GNA14: variants seen among roughly 807,000 people sequenced by gnomAD.
GNA14 encodes guanine nucleotide-binding protein subunit alpha-14.
Under a neutral mutation model 42.0 loss-of-function variants are expected in GNA14, and 50 were observed. The observed-to-expected ratio is 1.19, with a 90% CI of 0.95 to 1.51. The LOEUF (loss-of-function observed/expected upper bound fraction) is 1.51. GNA14 is among the 40% of genes most tolerant of loss of function. GNA14 has a pLI of 0.00. For synonymous variants in GNA14, 173 were observed against 163.1 expected (o/e 1.06, Z -0.46); for missense variants, 473 against 446.2 (o/e 1.06, Z -0.54).
intron 2 of GNA14, among the ~76,000 whole-genome samples, chr9:77,495,255 A>C (rs1836852333): frequency 6.7e-6 from 1 of 149,944 alleles, no homozygotes; most frequent in Non-Finnish European, 1.5e-5. Context: ...GGGGGAAAAA[A>C]CCTCTTTTTC....
At position 77,530,447 on chromosome 9, in the gene GNA14, G is replaced by A. The variant is rs1321966742; in HGVS notation, c.125-1194C>T. On this transcript the variant is annotated intron_variant, in intron 1 of 6. Coordinates refer to ENST00000341700, the MANE Select transcript of GNA14 (RefSeq NM_004297.4). ...TGCTTCCTGTACAGCTTGTGGAAAC[G>A]TGAGCCAATTCAACCTCTTTTCTTT... Among the ~76,000 whole-genome samples, 7 of 152,306 alleles carry A rather than the reference G, an allele frequency of 4.6e-5. 1 individual carries two copies. The South Asian group carries it at 1.2e-3, about 27-fold the overall frequency.
intron 2 of GNA14, among the ~76,000 whole-genome samples, chr9:77,480,883 C>T (rs1448564760): frequency 6.6e-6 from 1 of 152,156 alleles, no homozygotes; most frequent in Non-Finnish European, 1.5e-5. Flanking sequence ...TCTGTGGGAT[C>T]AGTGGTGATA....
chr9:77,626,875 A>G (rs1824019991), intron 1 of GNA14, among the ~76,000 whole-genome samples: 1 of 152,208 alleles, frequency 6.6e-6, no homozygotes, highest in African/African-American at 2.4e-5. Flanking sequence ...GACAAGAAAC[A>G]GCTAAGATCA....
chr9:77,597,930 G>A (rs1472366141), intron 1 of GNA14, among the ~76,000 whole-genome samples: 1 of 152,050 alleles, frequency 6.6e-6, no homozygotes, highest in African/African-American at 2.4e-5. Flanking sequence ...TGGGCGTGGT[G>A]GTGCATGCTG....
At chr9:77,523,106 A>G (rs748178529) in intron 2 of GNA14, among the ~76,000 whole-genome samples, 10 of 152,238 alleles carry the variant, frequency 6.6e-5, no homozygotes, top group Admixed American at 1.3e-4. Context: ...ATTGCCTTCT[A>G]AATTAGATAC....
At chr9:77,543,950 G>C (rs1837690805) in intron 1 of GNA14, among the ~76,000 whole-genome samples, 1 of 152,108 alleles carries the variant, frequency 6.6e-6, no homozygotes, top group East Asian at 1.9e-4. Context: ...ACTCTAATTT[G>C]AGCTATTCAT....
chr9:77,618,298 T>C (rs1484287124), intron 1 of GNA14, among the ~76,000 whole-genome samples: 1 of 151,998 alleles, frequency 6.6e-6, no homozygotes, highest in Non-Finnish European at 1.5e-5. Context: ...TCCGTGCTAC[T>C]GAAGCAGGTA....
rs1835500415 is a variant in GNA14 at position 77,428,953 on chromosome 9, AC to A, written c.676del (p.Val226LeufsTer3). On this transcript the variant is annotated frameshift_variant, in exon 5 of 7. Coordinates refer to ENST00000341700, the MANE Select transcript of GNA14 (RefSeq NM_004297.4). LOFTEE classifies it high-confidence loss of function. ...GACCTGGTCATATTCACTCAGAGCA[AC>A]CAAGAAAATAATGGAGGTGACACTC... ...FESVTSIIFL[V>X]ALSEYDQVLA... 1.2e-6 allele frequency: 2 copies of A among 1,613,944 alleles called. No homozygotes were observed. Among genetic ancestry groups the A allele is most frequent in the African/African-American group, 1.3e-5 (1 of 74,936 alleles).
intron 2 of GNA14, among the ~76,000 whole-genome samples, chr9:77,467,669 A>G (rs1405282659): frequency 8.0e-6 from 1 of 124,752 alleles, no homozygotes; most frequent in East Asian, 2.2e-4. Context: ...TTTTTTTTTT[A>G]AGACTAGTCA....
At chr9:77,494,466 T>C (rs1041036106) in intron 2 of GNA14, among the ~76,000 whole-genome samples, 15 of 151,842 alleles carry the variant, frequency 9.9e-5, no homozygotes, top group Admixed American at 2.6e-4. Context: ...AAAAAAAAAA[T>C]TGGGAAACAC....
At chr9:77,631,858 G>A (rs1328747473) in intron 1 of GNA14, among the ~76,000 whole-genome samples, 1 of 152,168 alleles carries the variant, frequency 6.6e-6, no homozygotes, top group Non-Finnish European at 1.5e-5. Flanking sequence ...AAGCGTGGCT[G>A]GGGCTGCATG....
intron 1 of GNA14, among the ~76,000 whole-genome samples, chr9:77,611,076 C>T (rs1172934925): frequency 6.6e-6 from 1 of 152,138 alleles, no homozygotes; most frequent in Non-Finnish European, 1.5e-5. Context: ...GAGCTTCATT[C>T]TAGTTACATT....
intron 1 of GNA14, among the ~76,000 whole-genome samples, chr9:77,549,951 C>T (rs1201876759): frequency 1.3e-5 from 2 of 152,202 alleles, no homozygotes; most frequent in African/African-American, 4.8e-5. Flanking sequence ...CTCCCCAGTC[C>T]ATCGTCTTGG....
chr9:77,472,935 C>T (rs1244047868), intron 2 of GNA14, among the ~76,000 whole-genome samples: 3 of 152,144 alleles, frequency 2.0e-5, no homozygotes, highest in Non-Finnish European at 4.4e-5. Flanking sequence ...GCCTCCAGAA[C>T]TGTGAAAAAT....
chr9:77,509,525 A>T (rs1258930720), intron 2 of GNA14, among the ~76,000 whole-genome samples: 4 of 152,202 alleles, frequency 2.6e-5, no homozygotes, highest in Admixed American at 2.6e-4. Flanking sequence ...AAAAAGAGGG[A>T]GAAGGAATAC....
chr9:77,472,138 C>T (rs1345102334), intron 2 of GNA14, among the ~76,000 whole-genome samples: 1 of 152,108 alleles, frequency 6.6e-6, no homozygotes, highest in Non-Finnish European at 1.5e-5. Context: ...CACTAAGCCC[C>T]CAAAATGATT....
At chr9:77,542,630 C>T (rs908225328) in intron 1 of GNA14, among the ~76,000 whole-genome samples, 4 of 152,082 alleles carry the variant, frequency 2.6e-5, no homozygotes, top group African/African-American at 9.7e-5. Context: ...ATGGGGCAGC[C>T]CAGTGGGACC....
Position 77,631,222 on chromosome 9 carries a change from G to A in GNA14, c.124+16448C>T, listed in dbSNP as rs149697694. Among the ~76,000 whole-genome samples the A allele has an allele frequency of 1.8e-4, 28 of 152,046 alleles. No homozygotes were observed. The East Asian group carries it at 2.7e-3, about 15-fold the overall frequency. Reference sequence around the variant, plus strand: ...AAATATGGCTGCTGCAGCTCCTACCGTCAGGTTACATCTTCCTCTAGAAGG... The same window carrying A: ...AAATATGGCTGCTGCAGCTCCTACCATCAGGTTACATCTTCCTCTAGAAGG... On this transcript the variant is annotated intron_variant, in intron 1 of 6. Transcript: ENST00000341700.
At chr9:77,496,484 G>T (rs974638443) in intron 2 of GNA14, among the ~76,000 whole-genome samples, 1 of 152,312 alleles carries the variant, frequency 6.6e-6, no homozygotes, top group African/African-American at 2.4e-5. Context: ...ACCTTCTGTA[G>T]CCCAGATATA....
Sources: allele counts gnomAD v4.1 joint callset (sites outside exome capture counted in the v4.1 genomes callset), GRCh38; gene constraint gnomAD v4.1.1; transcripts MANE v1.5; gene names NCBI Gene and HGNC (gene_info 2026-07-23, HGNC 2026-07-21).